RGL1: variants seen among roughly 807,000 people sequenced by gnomAD.
RGL1 encodes ral guanine nucleotide dissociation stimulator-like 1.
A neutral mutation model predicts 95.2 loss-of-function variants in RGL1; 24 were observed. That is an observed-to-expected ratio of 0.25 (90% confidence interval 0.18 to 0.35). The LOEUF is 0.35. Ranked by LOEUF, RGL1 falls within the 10% of genes least tolerant of loss-of-function variation. The probability of loss-of-function intolerance (pLI) is 1.00; values close to 1 mark genes in which losing one functional copy is unlikely to be tolerated. For synonymous variants in RGL1, 329 were observed against 344.9 expected (o/e 0.95, Z 0.51); for missense variants, 715 against 936.3 (o/e 0.76, Z 3.08).
chr1:183,827,023 A>C (rs1662912899), intron 2 of RGL1, among the ~76,000 whole-genome samples: 1 of 152,152 alleles, frequency 6.6e-6, no homozygotes, highest in African/African-American at 2.4e-5. Context: ...CCCAGGCTCA[A>C]GCAATTCTCG....
intron 1 of RGL1, among the ~76,000 whole-genome samples, chr1:183,714,597 G>T (rs534050705): frequency 3.9e-5 from 6 of 152,302 alleles, no homozygotes; most frequent in African/African-American, 1.2e-4. Context: ...GGAAACCAAA[G>T]CCCTGTGGAG....
At chr1:183,768,816 G>A (rs1436448130) in intron 2 of RGL1, among the ~76,000 whole-genome samples, 1 of 151,978 alleles carries the variant, frequency 6.6e-6, no homozygotes, top group East Asian at 1.9e-4. Context: ...TTTATATACG[G>A]AATTACATAT....
Position 183,888,592 on chromosome 1 carries a change from G to A in RGL1, c.1055+15G>A, listed in dbSNP as rs918095156. 1 of 1,523,472 alleles carries A rather than the reference G, an allele frequency of 6.6e-7. No individual in the cohort carries two copies. Among genetic ancestry groups the A allele is most frequent in the African/African-American group, 1.4e-5 (1 of 73,092 alleles). 94.4% of individuals were successfully genotyped at this position (1,523,472 alleles called of 1,614,324 possible). On this transcript the variant is annotated intron_variant, in intron 8 of 17. Transcript: ENST00000360851. ...GCCGTCCCAAGGTAAGTTCCCAAGT[G>A]TTTGCTCTGCTTTTCTTTGGCCGGG...
intron 1 of RGL1, chr1:183,646,644 G>C (rs1650313414): frequency 6.6e-6 from 1 of 152,208 alleles, no homozygotes; most frequent in Non-Finnish European, 1.5e-5. Flanking sequence ...TGGTGACGAG[G>C]ATGGAGTCAG....
chr1:183,770,617 A>T (rs1659223721), intron 2 of RGL1, among the ~76,000 whole-genome samples: 1 of 152,202 alleles, frequency 6.6e-6, no homozygotes, highest in South Asian at 2.1e-4. Context: ...GGCAAGGAAG[A>T]AATGTAACCA....
exon 1 of RGL1, chr1:183,636,290 C>T (rs1360683485): frequency 2.5e-6 from 1 of 397,264 alleles, no homozygotes; most frequent in Non-Finnish European, 4.4e-6. Context: ...TGATGCACAC[C>T]CGGGCGCCCA....
At chr1:183,741,176 A>G (rs1404784618) in intron 1 of RGL1, among the ~76,000 whole-genome samples, 3 of 152,236 alleles carry the variant, frequency 2.0e-5, no homozygotes, top group Non-Finnish European at 2.9e-5. Flanking sequence ...AGCCAGACAC[A>G]AAGATCCTTG....
chr1:183,880,524 G>C, intron 4 of RGL1, 92 bp from the exon 5 acceptor site: 1 of 1,136,238 alleles, frequency 8.8e-7, no homozygotes, highest in Non-Finnish European at 1.3e-6. Context: ...CAAGTTTCCA[G>C]GGGTGCCCCT....
chr1:183,796,431 G>A (rs559836659), intron 2 of RGL1, among the ~76,000 whole-genome samples: 63 of 152,128 alleles, frequency 4.1e-4, no homozygotes, highest in Admixed American at 1.2e-3. Flanking sequence ...CAAAGTGCTG[G>A]GATTACAGGC....
chr1:183,795,130 A>T (rs1196193172), intron 2 of RGL1, among the ~76,000 whole-genome samples: 1 of 152,136 alleles, frequency 6.6e-6, no homozygotes, highest in Non-Finnish European at 1.5e-5. Flanking sequence ...CAGCCTCCCT[A>T]AGTGCTGGGA....
At chr1:183,806,292 G>A (rs1661331103) in intron 1 of RGL1, 83 bp from the exon 2 acceptor site, 2 of 1,008,492 alleles carry the variant, frequency 2.0e-6, no homozygotes, top group Non-Finnish European at 3.1e-6. Context: ...GCTGTTGTAA[G>A]CAGCAAGGCA....
chr1:183,768,461 C>CTTTTTT (rs71130639), intron 2 of RGL1, among the ~76,000 whole-genome samples: 10 of 83,840 alleles, frequency 1.2e-4, no homozygotes, highest in South Asian at 5.0e-4. Flanking sequence ...CTTTAGATAA[C>CTTTTTT]TTTTTTTTTT....
At chr1:183,662,953 C>T (rs1164664213) in intron 1 of RGL1, among the ~76,000 whole-genome samples, 2 of 152,106 alleles carry the variant, frequency 1.3e-5, no homozygotes, top group African/African-American at 4.8e-5. Flanking sequence ...GAAAAATAAG[C>T]AATGGGGAAA....
chr1:183,922,103 G>C, intron 16 of RGL1, 119 bp from the exon 17 acceptor site: 1 of 777,314 alleles, frequency 1.3e-6, no homozygotes, highest in Non-Finnish European at 2.2e-6. Context: ...CCAATTCCAC[G>C]AGTCCGTTCT....
intron 1 of RGL1, among the ~76,000 whole-genome samples, chr1:183,645,252 T>C (rs2101983866): frequency 6.6e-6 from 1 of 152,368 alleles, no homozygotes; most frequent in East Asian, 1.9e-4. Flanking sequence ...TAGTTTTTTG[T>C]CTTTACATGT....
intron 2 of RGL1, among the ~76,000 whole-genome samples, chr1:183,781,629 A>G (rs1198736513): frequency 6.6e-6 from 1 of 152,124 alleles, no homozygotes; most frequent in African/African-American, 2.4e-5. Context: ...ACCTGAATGT[A>G]TATATGTACC....
Position 183,880,718 on chromosome 1 carries a change from A to T in RGL1, c.528A>T (p.Thr176=). ...PCLQKLLDYL[T]RMMPGSDPER... is the part of the protein sequence containing the mutation. ...TACAGAAACTGCTGGATTATCTCAC[A>T]CGGATGATGCCGGGCTCTGACCCAG... The change falls in exon 5 of 18, where the codon ACA becomes ACT. Residue 176 remains threonine, a synonymous_variant. Coordinates refer to ENST00000360851, the MANE Select transcript of RGL1 (RefSeq NM_001297671.3). 1 of 1,613,878 alleles carries T rather than the reference A, an allele frequency of 6.2e-7. No homozygotes were observed. The highest frequency in any genetic ancestry group is 8.5e-7 in the Non-Finnish European group (1 of 1,179,828).
chr1:183,725,911 C>T (rs904022929), intron 1 of RGL1, among the ~76,000 whole-genome samples: 2 of 152,234 alleles, frequency 1.3e-5, no homozygotes, highest in East Asian at 3.9e-4. Context: ...CATGCTTAGC[C>T]ATTAAACAAG....
At chr1:183,776,515 T>C (rs952955851) in intron 2 of RGL1, among the ~76,000 whole-genome samples, 2 of 152,266 alleles carry the variant, frequency 1.3e-5, no homozygotes, top group African/African-American at 2.4e-5. Context: ...CAGCACATTA[T>C]GCGGCACATT....
Sources: gnomAD v4.1 joint callset for allele counts (sites outside exome capture counted in the v4.1 genomes callset) on GRCh38, gnomAD v4.1.1 for gene constraint, MANE v1.5 for transcripts, NCBI Gene and HGNC (gene_info 2026-07-23, HGNC 2026-07-21) for gene names.